ZNRF2: variants seen among roughly 807,000 people sequenced by gnomAD.
ZNRF2 encodes the protein E3 ubiquitin-protein ligase ZNRF2.
A neutral mutation model predicts 20.4 loss-of-function variants in ZNRF2; 16 were observed. The observed-to-expected ratio is 0.79, with a 90% CI of 0.53 to 1.19. The LOEUF (loss-of-function observed/expected upper bound fraction) is 1.19. Ranked by LOEUF, ZNRF2 falls within the 50% of genes most tolerant of loss-of-function variation. ZNRF2 has a pLI of 0.00. For missense variants in ZNRF2, 363 were observed against 332.4 expected, an observed-to-expected ratio of 1.09 and a Z score of -0.72; for synonymous variants, 178 against 144.9, an observed-to-expected ratio of 1.23 and a Z score of -1.64.
At chr7:30,333,190 A>C (rs1320569991) in intron 2 of ZNRF2, among the ~76,000 whole-genome samples, 3 of 150,066 alleles carry the variant, frequency 2.0e-5, no homozygotes, top group Non-Finnish European at 4.4e-5. Flanking sequence ...AGTAGATGGG[A>C]TTACAGGCGC....
intron 1 of ZNRF2, among the ~76,000 whole-genome samples, chr7:30,318,326 T>A (rs1799409563): frequency 6.6e-6 from 1 of 152,210 alleles, no homozygotes; most frequent in Non-Finnish European, 1.5e-5. Flanking sequence ...ATTGAGAGGA[T>A]CAGTTCTTCT....
intron 1 of ZNRF2, among the ~76,000 whole-genome samples, chr7:30,321,575 A>G (rs947866379): frequency 7.9e-5 from 12 of 152,178 alleles, no homozygotes; most frequent in African/African-American, 2.9e-4. Context: ...TTTTCCCCTT[A>G]GGCTCTACTT....
intron 1 of ZNRF2, among the ~76,000 whole-genome samples, chr7:30,297,615 G>A (rs894011637): frequency 1.9e-4 from 29 of 152,234 alleles, no homozygotes; most frequent in African/African-American, 6.7e-4. Context: ...GCACATAGAT[G>A]TCATTATGGT....
chr7:30,295,263 G>A (rs1289160411), intron 1 of ZNRF2, among the ~76,000 whole-genome samples: 3 of 152,026 alleles, frequency 2.0e-5, no homozygotes, highest in Admixed American at 6.6e-5. Flanking sequence ...TTTGAGTTCC[G>A]CATCTGTCCA....
rs1798760286 is a variant in ZNRF2, at chr7:30,285,515, TGCCCAGCGCGCACCA to T, written c.168_182del (p.His57_Ala61del). ...GCCGCGGGGAGGTTCCCGGCTCAGG[TGCCCAGCGCGCACCA>T]GCCCAGCGCCTCCGGCGGCGCCGCG... is the stretch of plus-strand genomic sequence containing the variant. On this transcript the variant is annotated inframe_deletion, in exon 1 of 5. Transcript: ENST00000323037. The T allele has an allele frequency of 2.0e-6, 2 of 1,021,958 alleles. No homozygotes were observed. The highest frequency in any genetic ancestry group is 1.8e-5 in the African/African-American group (1 of 55,772). 63.3% of individuals were successfully genotyped at this position (1,021,958 alleles called of 1,614,324 possible).
chr7:30,309,432 G>C (rs1476819838), intron 1 of ZNRF2, among the ~76,000 whole-genome samples: 1 of 152,256 alleles, frequency 6.6e-6, no homozygotes, highest in East Asian at 1.9e-4. Flanking sequence ...TTAAAGACTG[G>C]AGTAGACAGC....
rs78895521 is a variant in ZNRF2, at chr7:30,350,637, G to A, written c.566-5091G>A. Among the ~76,000 whole-genome samples the A allele has an allele frequency of 6.7e-3, 1,020 of 152,046 alleles. 16 individuals are homozygous for A. Among genetic ancestry groups the A allele is most frequent in the African/African-American group, 0.024 (979 of 41,516 alleles). ...TAGTTAATGTTACGTTCTTTTATACGTATAAGAGATAACTTAATATCTGAA... is the reference window on the plus strand; with the variant it reads ...TAGTTAATGTTACGTTCTTTTATACATATAAGAGATAACTTAATATCTGAA... On this transcript the variant is annotated intron_variant, in intron 2 of 4. Coordinates refer to ENST00000323037, the MANE Select transcript of ZNRF2 (RefSeq NM_147128.4).
chr7:30,330,535 G>C (rs915721071), intron 2 of ZNRF2, among the ~76,000 whole-genome samples: 3 of 152,124 alleles, frequency 2.0e-5, no homozygotes, highest in Admixed American at 6.6e-5. Flanking sequence ...TGCATATACA[G>C]CCTGCTAATC....
At chr7:30,338,430 C>CG (rs1400180982) in intron 2 of ZNRF2, among the ~76,000 whole-genome samples, 10 of 142,738 alleles carry the variant, frequency 7.0e-5, no homozygotes, top group African/African-American at 2.1e-4. Context: ...CTAGCCCCCC[C>CG]CCACCCCCCA....
chr7:30,366,443 A>G lies in ZNRF2; in HGVS notation c.*431A>G, dbSNP rs1451482069. The G allele has an allele frequency of 6.6e-6, 1 of 152,564 alleles. No individual in the cohort carries two copies. Among genetic ancestry groups the G allele is most frequent in the Non-Finnish European group, 1.5e-5 (1 of 67,998 alleles). The allele number at this position is 152,564 out of a possible 1,614,324, so 9.5% of individuals were successfully genotyped here. A position where few individuals can be genotyped will look rare whatever the true frequency, so the allele number is the denominator to read the frequency against. On this transcript the variant is annotated 3_prime_UTR_variant, in exon 5 of 5. Coordinates refer to ENST00000323037, the MANE Select transcript of ZNRF2 (RefSeq NM_147128.4). ...ATTTGGGGTCTCTTTGTTTTCCCCA[A>G]CATAATGTTCATAATGTTTCTGCAT...
intron 1 of ZNRF2, chr7:30,289,718 C>A (rs1231586359): frequency 3.9e-6 from 2 of 514,844 alleles, no homozygotes; most frequent in African/African-American, 3.9e-5. Context: ...TTCTTGACTG[C>A]AAGGTGGGGA....
At chr7:30,324,110 C>T (rs1024553640) in intron 2 of ZNRF2, among the ~76,000 whole-genome samples, 5 of 151,968 alleles carry the variant, frequency 3.3e-5, no homozygotes, top group Admixed American at 6.6e-5. Flanking sequence ...AGGATTTTTA[C>T]AAACTCTTTA....
intron 2 of ZNRF2, among the ~76,000 whole-genome samples, chr7:30,348,775 C>G (rs1189602757): frequency 1.3e-5 from 2 of 152,052 alleles, no homozygotes; most frequent in African/African-American, 4.8e-5. Context: ...ATTCTTTTTT[C>G]TTATAAAATA....
Position 30,285,580 on chromosome 7 carries a change from CCGG to C in ZNRF2, c.228_230del (p.Ala77del). The C allele has an allele frequency of 9.8e-7, 1 of 1,021,866 alleles. No homozygotes were observed. The highest frequency in any genetic ancestry group is 1.2e-6 in the Non-Finnish European group (1 of 855,142). 63.3% of individuals were successfully genotyped at this position (1,021,866 alleles called of 1,614,324 possible). A position where few individuals can be genotyped will look rare whatever the true frequency, so the allele number is the denominator to read the frequency against. ...GGCGGCCGCGGCGGCCCCGGCAGCC[CCGG>C]CGGCCCCGCGCAGCCGCTCCCTCGG... On this transcript the variant is annotated inframe_deletion, in exon 1 of 5. Coordinates refer to ENST00000323037, the MANE Select transcript of ZNRF2 (RefSeq NM_147128.4).
chr7:30,356,719 T>G (rs1800044812), intron 3 of ZNRF2, among the ~76,000 whole-genome samples: 1 of 145,980 alleles, frequency 6.9e-6, no homozygotes, highest in Admixed American at 6.8e-5. Context: ...TTTTTTTTTT[T>G]TTTTGAGACG....
At chr7:30,358,147 TTAA>T (rs1162302931) in intron 3 of ZNRF2, among the ~76,000 whole-genome samples, 1 of 152,170 alleles carries the variant, frequency 6.6e-6, no homozygotes, top group African/African-American at 2.4e-5. Context: ...TCCTTGCATA[TTAA>T]TGATTTAAAA....
At chr7:30,363,252 T>C (rs896560542) in intron 4 of ZNRF2, among the ~76,000 whole-genome samples, 1 of 152,174 alleles carries the variant, frequency 6.6e-6, no homozygotes, top group Non-Finnish European at 1.5e-5. Flanking sequence ...AACCAAAAAA[T>C]AATAATTCTA....
At chr7:30,324,752 A>G (rs1262020576) in intron 2 of ZNRF2, among the ~76,000 whole-genome samples, 1 of 152,170 alleles carries the variant, frequency 6.6e-6, no homozygotes, top group Non-Finnish European at 1.5e-5. Flanking sequence ...GTAAAATGTA[A>G]TGTTCATAAT....
At chr7:30,335,645 G>C (rs1208906348) in intron 2 of ZNRF2, among the ~76,000 whole-genome samples, 1 of 151,978 alleles carries the variant, frequency 6.6e-6, no homozygotes, top group Non-Finnish European at 1.5e-5. Context: ...TGAGAGAAAG[G>C]GAGGCCACGT....
Sources: allele counts gnomAD v4.1 joint callset (sites outside exome capture counted in the v4.1 genomes callset), GRCh38; gene constraint gnomAD v4.1.1; transcripts MANE v1.5; gene names NCBI Gene and HGNC (gene_info 2026-07-23, HGNC 2026-07-21).